Variants in TPD52 observed in about 807,000 individuals in gnomAD.
TPD52 encodes the protein prostate and colon associated protein.
A neutral mutation model predicts 31.3 loss-of-function variants in TPD52; 17 were observed. That is an observed-to-expected ratio of 0.54 (90% CI 0.37 to 0.82). The LOEUF (loss-of-function observed/expected upper bound fraction) is 0.82. Among genes scored for constraint, TPD52 ranks in the 40% least tolerant of loss-of-function variants. The pLI, the probability that TPD52 is intolerant of heterozygous loss-of-function variation, is 0.00. For synonymous variants in TPD52, 83 were observed against 89.6 expected (o/e 0.93, Z 0.42); for missense variants, 212 against 240.1 (o/e 0.88, Z 0.77).
chr8:80,140,911 G>C (rs1244238549), intron 1 of TPD52, among the ~76,000 whole-genome samples: 1 of 151,232 alleles, frequency 6.6e-6, no homozygotes, highest in Non-Finnish European at 1.5e-5. Context: ...CCGGCAGGAA[G>C]AACAGACCAA....
chr8:80,155,412 G>A (rs1421787278), intron 1 of TPD52, among the ~76,000 whole-genome samples: 1 of 152,096 alleles, frequency 6.6e-6, no homozygotes, highest in East Asian at 1.9e-4. Flanking sequence ...AGGGCAAAAA[G>A]GCATTTATGA....
rs1435976031 is a variant in TPD52, at chr8:80,154,743, ACACACACAC to A, written c.19+16673_19+16681del. 2.7e-3 allele frequency among the ~76,000 whole-genome samples: 180 copies of A among 66,542 alleles called. 1 individual carries two copies. The highest frequency in any genetic ancestry group is 0.023 in the East Asian group (16 of 700). The allele number at this position is 66,542 out of a possible 152,430, so 43.7% of individuals were successfully genotyped here. On this transcript the variant is annotated intron_variant, in intron 1 of 7. Transcript: ENST00000518937. ...CACACACACACACACACACACACAC[ACACACACAC>A]AAAACACCTACATTAGCTTTGAAGT...
At chr8:80,051,441 G>C (rs1586160375) in intron 4 of TPD52, 86 bp downstream of exon 4, 2 of 1,305,764 alleles carry the variant, frequency 1.5e-6, no homozygotes, top group African/African-American at 2.9e-5. Flanking sequence ...GCATCAACTA[G>C]AGCCAAGGTC....
At chr8:80,082,944 C>G (rs759870869) in intron 1 of TPD52, among the ~76,000 whole-genome samples, 10 of 152,152 alleles carry the variant, frequency 6.6e-5, no homozygotes, top group Non-Finnish European at 1.5e-4. Context: ...TATGCAACAT[C>G]CTGGCTCTTT....
At chr8:80,080,523 C>A in intron 1 of TPD52, 1 of 1,581,388 alleles carries the variant, frequency 6.3e-7, no homozygotes. Context: ...GCCGCTTTGG[C>A]CATATTCCCT....
chr8:80,171,296 C>A lies in TPD52; in HGVS notation c.19+129G>T, dbSNP rs1394078780. On this transcript the variant is annotated intron_variant, in intron 1 of 7. Transcript: ENST00000518937. ...ATCCGGATCCGGGAGATGCAACTTG[C>A]GGCGCCGGCCCAGGAGGCTCGGCAC... is the stretch of plus-strand genomic sequence containing the variant. The A allele has an allele frequency of 5.7e-6, 7 of 1,235,902 alleles. No individual in the cohort carries two copies. The East Asian group carries it at 1.0e-4, about 18-fold the overall frequency. The allele number at this position is 1,235,902 out of a possible 1,614,324, so 76.6% of individuals were successfully genotyped here.
intron 1 of TPD52, among the ~76,000 whole-genome samples, chr8:80,149,333 T>G (rs1182517424): frequency 6.6e-6 from 1 of 152,244 alleles, no homozygotes; most frequent in African/African-American, 2.4e-5. Context: ...ATGTAAGACA[T>G]GACTTTGCTT....
intron 2 of TPD52, among the ~76,000 whole-genome samples, chr8:80,061,458 T>C (rs1238234428): frequency 6.9e-6 from 1 of 145,338 alleles, no homozygotes; most frequent in African/African-American, 2.5e-5. Context: ...TCCCAGCACT[T>C]TGAGAGGCCT....
chr8:80,115,377 A>G (rs1807792538), intron 1 of TPD52, among the ~76,000 whole-genome samples: 1 of 152,240 alleles, frequency 6.6e-6, no homozygotes, highest in Non-Finnish European at 1.5e-5. Context: ...ACCAATGGGC[A>G]CAGAAGCCAC....
At chr8:80,124,680 T>C (rs867121851) in intron 1 of TPD52, among the ~76,000 whole-genome samples, 1 of 152,206 alleles carries the variant, frequency 6.6e-6, no homozygotes, top group Non-Finnish European at 1.5e-5. Flanking sequence ...TTCACTAGCA[T>C]AAAAATAACA....
intron 3 of TPD52, chr8:80,052,956 T>C (rs1811518009): frequency 8.3e-6 from 2 of 240,716 alleles, no homozygotes; most frequent in Non-Finnish European, 1.6e-5. Flanking sequence ...CAGGGTTATC[T>C]TGCCACCCAT....
intron 1 of TPD52, among the ~76,000 whole-genome samples, chr8:80,106,749 A>G (rs184471926): frequency 9.9e-5 from 15 of 151,712 alleles, no homozygotes; most frequent in Non-Finnish European, 1.9e-4. Context: ...TGGACGCAAA[A>G]GGCAGAAGGG....
intron 1 of TPD52, among the ~76,000 whole-genome samples, chr8:80,144,977 G>A (rs919994076): frequency 3.3e-5 from 5 of 152,072 alleles, no homozygotes; most frequent in African/African-American, 1.2e-4. Context: ...ATTATAATGA[G>A]TTACTCTGTG....
intron 1 of TPD52, among the ~76,000 whole-genome samples, chr8:80,169,015 C>T (rs1188261819): frequency 2.0e-5 from 3 of 152,174 alleles, no homozygotes; most frequent in African/African-American, 7.2e-5. Context: ...GATAGAGTCT[C>T]GCTCTGTCGC....
intron 1 of TPD52, among the ~76,000 whole-genome samples, chr8:80,087,187 T>C (rs1027325625): frequency 6.6e-6 from 1 of 152,174 alleles, no homozygotes; most frequent in Non-Finnish European, 1.5e-5. Context: ...GTGCAGGATG[T>C]GCAGGCTTGT....
rs1811949702 is a variant in TPD52, at chr8:80,056,883, T to C, written c.136-3453A>G. On this transcript the variant is annotated intron_variant, in intron 2 of 7. Transcript: ENST00000518937. ...TATAACAAAGAGAATTGAAAACACA[T>C]CCAGGCTGGGTGCAATGGCTCACGG... Among the ~76,000 whole-genome samples, 4 of 152,074 alleles carry C rather than the reference T, an allele frequency of 2.6e-5. No homozygotes were observed. The South Asian group carries it at 6.2e-4, about 24-fold the overall frequency.
At chr8:80,076,022 G>A (rs1220658127) in intron 1 of TPD52, among the ~76,000 whole-genome samples, 6 of 152,188 alleles carry the variant, frequency 3.9e-5, no homozygotes, top group East Asian at 3.8e-4. Flanking sequence ...AAATATGATC[G>A]TGTTAAACTA....
chr8:80,109,281 G>A (rs4740112), intron 1 of TPD52, among the ~76,000 whole-genome samples: 67,651 of 151,994 alleles, frequency 0.45, 15,544 homozygotes, highest in East Asian at 0.79. Context: ...CCCTATCAAA[G>A]GTTCCAGCAA....
At chr8:80,079,006 G>A (rs1814916434) in intron 1 of TPD52, among the ~76,000 whole-genome samples, 1 of 152,084 alleles carries the variant, frequency 6.6e-6, no homozygotes, top group South Asian at 2.1e-4. Context: ...ACCGATCAAG[G>A]TCCACCTGAA....
Sources: allele counts gnomAD v4.1 joint callset (sites outside exome capture counted in the v4.1 genomes callset), GRCh38; gene constraint gnomAD v4.1.1; transcripts MANE v1.5; gene names NCBI Gene and HGNC (gene_info 2026-07-23, HGNC 2026-07-21).